Variants in NUDT7 observed in about 807,000 individuals in gnomAD.
The protein encoded by NUDT7 is nudix hydrolase 7, also known as peroxisomal coenzyme A diphosphatase NUDT7.
NUDT7 carries 19 observed loss-of-function variants against 13.1 expected under a neutral mutation model. The observed-to-expected ratio is 1.45, with a 90% CI of 1.01 to 2.13. The LOEUF is 2.13. Among genes scored for constraint, NUDT7 ranks in the 30% most tolerant of loss-of-function variants. The pLI is 0.00. For missense variants in NUDT7, 360 were observed against 291.7 expected (o/e 1.23, Z -1.71); for synonymous variants, 132 against 109.7 (o/e 1.20, Z -1.27).
At chr16:77,733,411 G>T (rs1019898870) in intron 2 of NUDT7, among the ~76,000 whole-genome samples, 7 of 152,160 alleles carry the variant, frequency 4.6e-5, no homozygotes, top group African/African-American at 1.7e-4. Flanking sequence ...TCTTTTATAA[G>T]GGCATTCATC....
chr16:77,725,444 G>A lies in NUDT7; in HGVS notation c.49G>A (p.Asp17Asn). ...PEEPVRNSLL[D>N]DAKARLRKYD... ...TTTTTATTTTAGAAACAGTTTGCTA[G>A]ATGATGCTAAGGCCCGCTTAAGAAA... Residue 17 changes from aspartate (D) to asparagine (N), a missense_variant, in exon 2 of 4, where the codon GAT becomes AAT. Transcript: ENST00000268533. 1 of 1,610,364 alleles carries A rather than the reference G, an allele frequency of 6.2e-7. No individual in the cohort carries two copies. The highest frequency in any genetic ancestry group is 8.5e-7 in the Non-Finnish European group (1 of 1,178,098).
At chr16:77,724,730 C>G (rs7194582) in intron 1 of NUDT7, among the ~76,000 whole-genome samples, 24,722 of 152,168 alleles carry the variant, frequency 0.16, 2,794 homozygotes, top group African/African-American at 0.32. Flanking sequence ...TACAAACTAG[C>G]AGTAGAACAC....
chr16:77,737,786 T>C (rs558464723), intron 3 of NUDT7, among the ~76,000 whole-genome samples: 1 of 152,226 alleles, frequency 6.6e-6, no homozygotes, highest in South Asian at 2.1e-4. Flanking sequence ...CACCCAGCCT[T>C]AATGTTTTAT....
intron 2 of NUDT7, among the ~76,000 whole-genome samples, chr16:77,732,779 T>C (rs945556275): frequency 3.3e-5 from 5 of 152,056 alleles, no homozygotes; most frequent in African/African-American, 1.2e-4. Flanking sequence ...GTCCCTGTTG[T>C]TGAGTAACAC....
chr16:77,725,380 T>C (rs2145102095), intron 1 of NUDT7, 51 bp from the exon 2 acceptor site: 1 of 1,550,764 alleles, frequency 6.4e-7, no homozygotes, highest in Non-Finnish European at 8.8e-7. Flanking sequence ...TATAAGCTTT[T>C]TACCATAACT....
chr16:77,741,005 G>T (rs1215150621), intron 3 of NUDT7, among the ~76,000 whole-genome samples: 1 of 151,982 alleles, frequency 6.6e-6, no homozygotes, highest in Non-Finnish European at 1.5e-5. Flanking sequence ...TCCATAAATG[G>T]GAATATGTCA....
At chr16:77,738,503 A>G (rs2014558766) in intron 3 of NUDT7, among the ~76,000 whole-genome samples, 1 of 152,366 alleles carries the variant, frequency 6.6e-6, no homozygotes, top group African/African-American at 2.4e-5. Flanking sequence ...ATTGAAAATT[A>G]TAAGCATAAT....
At chr16:77,739,208 A>G (rs2014581745) in intron 3 of NUDT7, among the ~76,000 whole-genome samples, 1 of 152,218 alleles carries the variant, frequency 6.6e-6, no homozygotes, top group Admixed American at 6.5e-5. Context: ...CATAAAGTGA[A>G]AGCAAGTTTA....
Position 77,722,541 on chromosome 16 carries a change from A to AGC in NUDT7, c.-41_-40dup. ...TCTGCGCAAGCGCGACCGACCGAGCAGCTCCGAGGAGTCCGCCCGGAAACA... is the reference window on the plus strand; with the variant it reads ...TCTGCGCAAGCGCGACCGACCGAGCAGCGCTCCGAGGAGTCCGCCCGGAAACA... On this transcript the variant is annotated 5_prime_UTR_variant, in exon 1 of 4. Coordinates refer to ENST00000268533, the MANE Select transcript of NUDT7 (RefSeq NM_001105663.3). 1 of 1,554,822 alleles carries AGC rather than the reference A, an allele frequency of 6.4e-7. No individual in the cohort carries two copies. The highest frequency in any genetic ancestry group is 8.7e-7 in the Non-Finnish European group (1 of 1,146,386).
chr16:77,742,100 C>T lies in NUDT7; in HGVS notation c.*150C>T, dbSNP rs1163235842. ...GAATCCTTGCCTCTTTTCCAGTTGC[C>T]TTCTATTGTCTGAAAAAGTAAAAGC... On this transcript the variant is annotated 3_prime_UTR_variant, in exon 4 of 4. Coordinates refer to ENST00000268533, the MANE Select transcript of NUDT7 (RefSeq NM_001105663.3). The T allele has an allele frequency of 1.4e-6, 2 of 1,394,164 alleles. No homozygotes were observed. Among genetic ancestry groups the T allele is most frequent in the African/African-American group, 1.4e-5 (1 of 69,116 alleles). 86.4% of individuals were successfully genotyped at this position (1,394,164 alleles called of 1,614,324 possible). A position where few individuals can be genotyped will look rare whatever the true frequency, so the allele number is the denominator to read the frequency against.
At chr16:77,724,269 T>G (rs1394847323) in intron 1 of NUDT7, among the ~76,000 whole-genome samples, 1 of 152,106 alleles carries the variant, frequency 6.6e-6, no homozygotes, top group East Asian at 1.9e-4. Flanking sequence ...TCTTTTATTT[T>G]ATTTTATTTT....
intron 3 of NUDT7, chr16:77,737,574 C>T (rs2014528774): frequency 6.6e-6 from 1 of 152,142 alleles, no homozygotes; most frequent in Admixed American, 6.5e-5. Flanking sequence ...CAAGCTCCGC[C>T]TCCCGGGTTC....
At chr16:77,740,974 G>C (rs921824781) in intron 3 of NUDT7, among the ~76,000 whole-genome samples, 1 of 152,116 alleles carries the variant, frequency 6.6e-6, no homozygotes, top group Non-Finnish European at 1.5e-5. Context: ...ATATATATAT[G>C]TGTATGTACT....
chr16:77,728,315 C>G (rs1398551710), intron 2 of NUDT7, among the ~76,000 whole-genome samples: 1 of 152,214 alleles, frequency 6.6e-6, no homozygotes, highest in Non-Finnish European at 1.5e-5. Flanking sequence ...TCACTGCAAC[C>G]TCCGCCTCTT....
chr16:77,722,757 T>C (rs1238263723), intron 1 of NUDT7, 140 bp downstream of exon 1: 2 of 761,974 alleles, frequency 2.6e-6, no homozygotes, highest in South Asian at 1.6e-5. Flanking sequence ...GGGGGAGCAC[T>C]CGCCTCCAGC....
At chr16:77,729,142 T>C (rs2014234248) in intron 2 of NUDT7, among the ~76,000 whole-genome samples, 1 of 152,248 alleles carries the variant, frequency 6.6e-6, no homozygotes, top group African/African-American at 2.4e-5. Flanking sequence ...CTTTTGTGCT[T>C]AGAGCCCTTT....
At chr16:77,727,532 A>G (rs1242985462) in intron 2 of NUDT7, among the ~76,000 whole-genome samples, 1 of 152,230 alleles carries the variant, frequency 6.6e-6, no homozygotes, top group East Asian at 1.9e-4. Flanking sequence ...CAATAAGCAC[A>G]GGAGAAGCAC....
At chr16:77,735,597 G>C (rs770786329) in intron 2 of NUDT7, 5 of 582,270 alleles carry the variant, frequency 8.6e-6, no homozygotes, top group East Asian at 5.5e-5. Context: ...ACAGTGTGTG[G>C]TATCTTTTGG....
intron 1 of NUDT7, 79 bp from the exon 2 acceptor site, chr16:77,725,352 C>A: frequency 7.6e-7 from 1 of 1,318,530 alleles, no homozygotes; most frequent in Non-Finnish European, 1.0e-6. Context: ...CACAACAAAG[C>A]AGAAACAGAG....
Sources: gnomAD v4.1 joint callset for allele counts (sites outside exome capture counted in the v4.1 genomes callset) on GRCh38, gnomAD v4.1.1 for gene constraint, MANE v1.5 for transcripts, NCBI Gene and HGNC (gene_info 2026-07-23, HGNC 2026-07-21) for gene names.